PLA2G4E: variants seen among roughly 807,000 people sequenced by gnomAD.
PLA2G4E encodes phospholipase A2 group IVE.
PLA2G4E carries 84 observed loss-of-function variants against 109.1 expected under a neutral mutation model. The observed-to-expected ratio is 0.77, with a 90% CI of 0.65 to 0.92. The LOEUF is 0.92. Among genes scored for constraint, PLA2G4E ranks in the 40% least tolerant of loss-of-function variants. The pLI is 0.00. For synonymous variants in PLA2G4E, 469 were observed against 436.1 expected (o/e 1.08, Z -0.94); for missense variants, 1,057 against 1,076.6 (o/e 0.98, Z 0.25).
chr15:42,011,564 A>AT (rs35303336), intron 2 of PLA2G4E, among the ~76,000 whole-genome samples: 101 of 149,272 alleles, frequency 6.8e-4, no homozygotes, highest in South Asian at 3.6e-3. Context: ...TCCACAAATA[A>AT]TTTTTTTTTT....
intron 12 of PLA2G4E, among the ~76,000 whole-genome samples, chr15:41,993,425 C>CA (rs2068284313): frequency 6.6e-6 from 1 of 152,214 alleles, no homozygotes; most frequent in Non-Finnish European, 1.5e-5. Context: ...TGGCACAGAA[C>CA]AAATGCTGGA....
At position 42,005,991 on chromosome 15, in the gene PLA2G4E, T is replaced by C. The variant is rs142625834; in HGVS notation, c.524A>G (p.Gln175Arg). The C allele has an allele frequency of 2.1e-4, 346 of 1,613,710 alleles. 3 individuals carry two copies. The East Asian group carries it at 6.5e-3, about 30-fold the overall frequency. Residue 175 changes from glutamine to arginine, a missense_variant and splice_region_variant, in exon 4 of 20, where the codon CAG becomes CGG. Gln to Arg is a conservative substitution (Grantham distance 43, BLOSUM62 1). Coordinates refer to ENST00000399518, the Ensembl canonical transcript of PLA2G4E. The stretch of plus-strand genomic sequence containing the variant: ...TGAGGGCCTGTACCCTGCACCCACC[T>C]GCGGGTTGAGTGGAAACTTCACGTG...
chr15:42,029,826 A>G (rs544214628), intron 1 of PLA2G4E, among the ~76,000 whole-genome samples: 5 of 152,366 alleles, frequency 3.3e-5, no homozygotes, highest in South Asian at 2.1e-4. Flanking sequence ...CTGATTCACT[A>G]TAAGTGATCC....
chr15:41,983,680 A>ACCTGGTCAGC, exon 20 of PLA2G4E: 1 of 1,354,218 alleles, frequency 7.4e-7, no homozygotes, highest in Non-Finnish European at 1.0e-6. Context: ...CTGCGTAGTA[A>ACCTGGTCAGC]CCTGGTCAGC....
chr15:41,984,533 C>A, exon 19 of PLA2G4E: 1 of 1,613,898 alleles, frequency 6.2e-7, no homozygotes, highest in Non-Finnish European at 8.5e-7. Context: ...GGTAGCATTC[C>A]TTGAGATTTT....
chr15:42,034,409 G>A lies in PLA2G4E; in HGVS notation c.183+16112C>T, dbSNP rs74008954. 7.6e-3 allele frequency among the ~76,000 whole-genome samples: 1,157 copies of A among 152,304 alleles called. 17 individuals are homozygous for A. Among genetic ancestry groups the A allele is most frequent in the African/African-American group, 0.027 (1,112 of 41,548 alleles). On this transcript the variant is annotated intron_variant, in intron 1 of 19. Coordinates refer to ENST00000399518, the Ensembl canonical transcript of PLA2G4E. ...TACATAAGCCAGTCCTGAGGTTAAC[G>A]GTTGACTGTGTCTGTATGTGGGATG... is the stretch of plus-strand genomic sequence containing the variant.
intron 1 of PLA2G4E, among the ~76,000 whole-genome samples, chr15:42,037,490 C>G (rs758943892): frequency 5.3e-5 from 8 of 152,226 alleles, no homozygotes; most frequent in Non-Finnish European, 1.5e-5. Context: ...CTCCTCTGAG[C>G]TGTTCTATTG....
intron 1 of PLA2G4E, among the ~76,000 whole-genome samples, chr15:42,036,191 G>T (rs903064164): frequency 2.0e-5 from 3 of 152,318 alleles, no homozygotes; most frequent in African/African-American, 7.2e-5. Context: ...CAGCAGGGAG[G>T]GTGCGGGGAG....
chr15:41,995,186 C>A (rs2068317823), intron 12 of PLA2G4E, among the ~76,000 whole-genome samples, 174 bp downstream of exon 12: 1 of 152,266 alleles, frequency 6.6e-6, no homozygotes, highest in Non-Finnish European at 1.5e-5. Context: ...ACAAGCCGAG[C>A]CTCCAAGGAG....
At chr15:42,000,022 G>C in intron 8 of PLA2G4E, 22 bp from the exon 9 acceptor site, 1 of 1,596,684 alleles carries the variant, frequency 6.3e-7, no homozygotes, top group South Asian at 1.1e-5. Context: ...GGTGGGTTCT[G>C]TGAGAGGGGC....
chr15:42,002,695 G>T, exon 6 of PLA2G4E: 1 of 1,578,068 alleles, frequency 6.3e-7, no homozygotes, highest in African/African-American at 1.3e-5. Context: ...GGTGGAGAGG[G>T]ACTGAAAAAC....
intron 1 of PLA2G4E, among the ~76,000 whole-genome samples, chr15:42,031,668 A>G (rs936006219): frequency 1.3e-5 from 2 of 152,146 alleles, no homozygotes; most frequent in African/African-American, 4.8e-5. Context: ...CAGCTGACCA[A>G]GCACCCACAA....
intron 11 of PLA2G4E, among the ~76,000 whole-genome samples, chr15:41,996,901 C>T (rs2068351094): frequency 6.6e-6 from 1 of 152,166 alleles, no homozygotes; most frequent in African/African-American, 2.4e-5. Context: ...TGGGAGGAGG[C>T]GCTGGGGCTC....
rs945735474 is a variant in PLA2G4E at position 41,984,121 on chromosome 15, C to T, written c.2387-147G>A. ...CTGTACACACGCACACCCTCACACA[C>T]GCACCTGCACACCTGCAAGCTCCTC... On this transcript the variant is annotated intron_variant, in intron 19 of 19. Coordinates refer to ENST00000399518, the Ensembl canonical transcript of PLA2G4E. The T allele has an allele frequency of 4.7e-5, 36 of 760,722 alleles. No homozygotes were observed. In the East Asian group the frequency reaches 7.0e-4, roughly 15 times the overall value. The allele number at this position is 760,722 out of a possible 1,614,324, so 47.1% of individuals were successfully genotyped here. A position where few individuals can be genotyped will look rare whatever the true frequency, so the allele number is the denominator to read the frequency against.
intron 1 of PLA2G4E, among the ~76,000 whole-genome samples, chr15:42,043,076 T>C (rs1889344204): frequency 6.6e-6 from 1 of 152,162 alleles, no homozygotes; most frequent in South Asian, 2.1e-4. Flanking sequence ...GGTTCCTGCC[T>C]GGAAGGTGCA....
At chr15:42,008,665 G>C (rs960281727) in intron 2 of PLA2G4E, among the ~76,000 whole-genome samples, 2 of 152,214 alleles carry the variant, frequency 1.3e-5, no homozygotes, top group Non-Finnish European at 2.9e-5. Context: ...GAAGGGATAG[G>C]GTGAAAATAG....
At chr15:41,989,374 G>A (rs755584128) in intron 15 of PLA2G4E, 41 bp downstream of exon 15, 8 of 1,612,130 alleles carry the variant, frequency 5.0e-6, no homozygotes, top group East Asian at 2.2e-5. Context: ...CCAGCACTGG[G>A]CAGCAGCCCC....
At chr15:42,001,650 C>A (rs1305803289) in intron 6 of PLA2G4E, among the ~76,000 whole-genome samples, 1 of 152,176 alleles carries the variant, frequency 6.6e-6, no homozygotes, top group Non-Finnish European at 1.5e-5. Flanking sequence ...AACCCTGAGG[C>A]ACTGGATGCA....
At chr15:42,002,657 C>T (rs778220253) in exon 6 of PLA2G4E, 24 of 1,584,894 alleles carry the variant, frequency 1.5e-5, no homozygotes, top group African/African-American at 1.1e-4. Context: ...TAATTACCAC[C>T]AGCACGCCAT....
Sources: gnomAD v4.1 joint callset for allele counts (sites outside exome capture counted in the v4.1 genomes callset) on GRCh38, gnomAD v4.1.1 for gene constraint, MANE v1.5 for transcripts, NCBI Gene and HGNC (gene_info 2026-07-23, HGNC 2026-07-21) for gene names.